The following MAP3K7 variants were observed in gnomAD, a reference collection of about 807,000 sequenced individuals.
MAP3K7 encodes the protein mitogen-activated protein kinase kinase kinase 7, also known as TGF-beta activated kinase 1.
Under a neutral mutation model 84.8 loss-of-function variants are expected in MAP3K7, and 21 were observed. The ratio of observed to expected loss-of-function variants is 0.25; its 90% CI spans 0.18 to 0.36. The LOEUF is 0.36. MAP3K7 is among the 10% of genes least tolerant of loss of function. The pLI is 1.00. For synonymous variants in MAP3K7, 241 were observed against 247.7 expected (o/e 0.97, Z 0.25); for missense variants, 503 against 747.7 (o/e 0.67, Z 3.82).
chr6:90,540,605 AG>A (rs1443024847), intron 12 of MAP3K7, among the ~76,000 whole-genome samples: 1 of 151,962 alleles, frequency 6.6e-6, no homozygotes, highest in Non-Finnish European at 1.5e-5. Context: ...ATAGGTGGTA[AG>A]TATATATGTA....
At chr6:90,581,824 T>C (rs974605597) in intron 1 of MAP3K7, among the ~76,000 whole-genome samples, 2 of 152,226 alleles carry the variant, frequency 1.3e-5, no homozygotes, top group African/African-American at 4.8e-5. Context: ...TAGACCACTA[T>C]AAATTAGGTT....
intron 5 of MAP3K7, 148 bp from the exon 6 acceptor site, chr6:90,556,772 A>G: frequency 1.3e-6 from 1 of 773,730 alleles, no homozygotes; most frequent in Non-Finnish European, 2.0e-6. Flanking sequence ...TTACTTGGTC[A>G]CTATAAAAGC....
intron 1 of MAP3K7, among the ~76,000 whole-genome samples, chr6:90,578,832 T>C (rs1777172709): frequency 6.6e-6 from 1 of 152,148 alleles, no homozygotes; most frequent in Non-Finnish European, 1.5e-5. Flanking sequence ...CTTCAAGAAA[T>C]AACATTTTAA....
intron 6 of MAP3K7, among the ~76,000 whole-genome samples, chr6:90,555,266 T>C (rs1056720250): frequency 2.0e-5 from 3 of 152,170 alleles, no homozygotes; most frequent in African/African-American, 4.8e-5. Flanking sequence ...GCATTCTTTT[T>C]TTTTTTTGAG....
chr6:90,567,860 A>G (rs1358999232), intron 3 of MAP3K7, among the ~76,000 whole-genome samples: 2 of 152,258 alleles, frequency 1.3e-5, no homozygotes, highest in Non-Finnish European at 2.9e-5. Flanking sequence ...TGGCACATAT[A>G]CACCATGGAA....
At chr6:90,560,793 C>A (rs1411059828) in intron 4 of MAP3K7, among the ~76,000 whole-genome samples, 1 of 151,942 alleles carries the variant, frequency 6.6e-6, no homozygotes, top group African/African-American at 2.4e-5. Context: ...ATATACATTA[C>A]CACATTTTTT....
rs922056529 is a variant in MAP3K7 at position 90,587,016 on chromosome 6, G to T, written c.-133C>A. The T allele has an allele frequency of 3.8e-5, 43 of 1,130,936 alleles. No individual in the cohort carries two copies. The highest frequency in any genetic ancestry group is 2.2e-4 in the East Asian group (7 of 31,214). 70.1% of individuals were successfully genotyped at this position (1,130,936 alleles called of 1,614,324 possible). A position where few individuals can be genotyped will look rare whatever the true frequency, so the allele number is the denominator to read the frequency against. ...TCCTACTACCCGGCGATCCGTGGCGGGGGTAGAGGCAGCGGCCACAGCCGT... is the reference window on the plus strand; with the variant it reads ...TCCTACTACCCGGCGATCCGTGGCGTGGGTAGAGGCAGCGGCCACAGCCGT... On this transcript the variant is annotated 5_prime_UTR_variant, in exon 1 of 17. Transcript: ENST00000369329.
intron 1 of MAP3K7, among the ~76,000 whole-genome samples, chr6:90,577,266 A>C (rs1442868529): frequency 2.6e-5 from 4 of 152,248 alleles, no homozygotes; most frequent in Non-Finnish European, 5.9e-5. Context: ...ACAACAGTTT[A>C]CTGAGGGATA....
intron 14 of MAP3K7, among the ~76,000 whole-genome samples, chr6:90,520,151 C>T (rs1005331718): frequency 6.6e-6 from 1 of 151,780 alleles, no homozygotes; most frequent in African/African-American, 2.4e-5. Context: ...GCAATACAGA[C>T]TTTTCTACTT....
chr6:90,560,196 G>T lies in MAP3K7; in HGVS notation c.362C>A (p.Pro121Gln), dbSNP rs1322286349. The T allele has an allele frequency of 1.2e-6, 2 of 1,614,136 alleles. No homozygotes were observed. The highest frequency in any genetic ancestry group is 1.7e-6 in the Non-Finnish European group (2 of 1,180,032). Residue 121 changes from proline to glutamine, a missense_variant, in exon 5 of 17, where the codon CCA becomes CAA. This residue lies in a region of MAP3K7 where 97 missense variants were observed against 270.8 expected (regional missense o/e 0.36). Coordinates refer to ENST00000369329, the MANE Select transcript of MAP3K7 (RefSeq NM_145331.3). Reference protein sequence around the residue: ...SLYNVLHGAEPLPYYTAAHAM... With the variant: ...SLYNVLHGAEQLPYYTAAHAM... ...GTGGGCAGCAGTATAATATGGCAAT[G>T]GTTCAGCACCATGCAGCACTGCGAA...
At chr6:90,560,035 AG>A in intron 5 of MAP3K7, 40 bp downstream of exon 5, 2 of 1,612,886 alleles carry the variant, frequency 1.2e-6, no homozygotes, top group South Asian at 2.2e-5. Context: ...GTGAGAGAGA[AG>A]GAGGAAGAGG....
chr6:90,538,862 T>A (rs754233445), intron 12 of MAP3K7, among the ~76,000 whole-genome samples: 17 of 151,916 alleles, frequency 1.1e-4, no homozygotes, highest in Non-Finnish European at 2.5e-4. Flanking sequence ...AAGCTCATAG[T>A]TTTCCTTGAC....
rs1776912794 is a variant in MAP3K7 at position 90,571,810 on chromosome 6, G to C, written c.121-3C>G. On this transcript the variant is annotated splice_polypyrimidine_tract_variant and splice_region_variant and intron_variant, in intron 1 of 16. Coordinates refer to ENST00000369329, the MANE Select transcript of MAP3K7 (RefSeq NM_145331.3). The stretch of plus-strand genomic sequence containing the variant: ...CCAAAGGCTCCTCTTCCAACAACCT[G>C]AGTTAAACAAACAAACAAAAAACAA... The C allele has an allele frequency of 6.5e-7, 1 of 1,544,614 alleles. No individual in the cohort carries two copies. The highest frequency in any genetic ancestry group is 8.8e-7 in the Non-Finnish European group (1 of 1,137,520).
At chr6:90,527,297 C>A (rs1333970919) in intron 13 of MAP3K7, among the ~76,000 whole-genome samples, 2 of 151,392 alleles carry the variant, frequency 1.3e-5, no homozygotes, top group Non-Finnish European at 2.9e-5. Flanking sequence ...GGGTCTTGTT[C>A]TCTTGCCCAG....
At chr6:90,531,859 G>A (rs939127375) in intron 13 of MAP3K7, among the ~76,000 whole-genome samples, 7 of 151,988 alleles carry the variant, frequency 4.6e-5, no homozygotes, top group Admixed American at 2.6e-4. Flanking sequence ...GGGAGGCTGA[G>A]GTGGAAGAAT....
rs1419631096 is a variant in MAP3K7 at position 90,553,510 on chromosome 6, G to C, written c.684C>G (p.Pro228=). The part of the protein sequence containing the change: ...ILWEVITRRK[P]FDEIGGPAFR... ...AAGCTGGGCCACCAATCTCATCAAA[G>C]GGTTTCCGACGCGTTATCACTTCCC... The change falls in exon 7 of 17, where the codon CCC becomes CCG. Residue 228 remains proline, a synonymous_variant. Coordinates refer to ENST00000369329, the MANE Select transcript of MAP3K7 (RefSeq NM_145331.3). 2 of 1,613,922 alleles carry C rather than the reference G, an allele frequency of 1.2e-6. No homozygotes were observed. Among genetic ancestry groups the C allele is most frequent in the South Asian group, 2.2e-5 (2 of 91,068 alleles).
chr6:90,584,476 C>T (rs1392168111), intron 1 of MAP3K7, among the ~76,000 whole-genome samples: 1 of 152,054 alleles, frequency 6.6e-6, no homozygotes, highest in African/African-American at 2.4e-5. Flanking sequence ...CAAAAACCTA[C>T]TCCCAGAAAT....
rs1425979053 is a variant in MAP3K7, at chr6:90,555,179, GAGGTATAAAAGAAGGTAA to G, written c.607+1303_607+1320del. Among the ~76,000 whole-genome samples, 3 of 152,124 alleles carry G rather than the reference GAGGTATAAAAGAAGGTAA, an allele frequency of 2.0e-5. No individual in the cohort carries two copies. In the East Asian group the frequency reaches 5.8e-4, roughly 29 times the overall value. On this transcript the variant is annotated intron_variant, in intron 6 of 16. Coordinates refer to ENST00000369329, the MANE Select transcript of MAP3K7 (RefSeq NM_145331.3). The stretch of plus-strand genomic sequence containing the variant: ...TCTTTTAAAACTTCAGTGACATATG[GAGGTATAAAAGAAGGTAA>G]ACATATAAGCTTGACATTTATTTGT...
chr6:90,522,218 A>C (rs1426987455), intron 14 of MAP3K7, among the ~76,000 whole-genome samples: 1 of 152,148 alleles, frequency 6.6e-6, no homozygotes, highest in Admixed American at 6.6e-5. Flanking sequence ...ACAGAAAAAG[A>C]AAACAATGGG....
Sources: gnomAD v4.1 joint callset for allele counts (sites outside exome capture counted in the v4.1 genomes callset) on GRCh38, gnomAD v4.1.1 for gene constraint, gnomAD v4.1.1 regional missense constraint, MANE v1.5 for transcripts, NCBI Gene and HGNC (gene_info 2026-07-23, HGNC 2026-07-21) for gene names.